Variants in UPF2 observed in about 807,000 individuals in gnomAD.
UPF2 encodes regulator of nonsense transcripts 2.
UPF2 carries 17 observed loss-of-function variants against 141.4 expected under a neutral mutation model. That is an observed-to-expected ratio of 0.12 (90% CI 0.08 to 0.18). The LOEUF (loss-of-function observed/expected upper bound fraction) is 0.18. Among genes scored for constraint, UPF2 ranks in the 10% least tolerant of loss-of-function variants. UPF2 has a pLI of 1.00. For synonymous variants in UPF2, 540 were observed against 498.0 expected (o/e 1.08, Z -1.12); for missense variants, 1,152 against 1,515.9 (o/e 0.76, Z 3.99).
chr10:11,969,911 A>C lies in UPF2; in HGVS notation c.1954-2457T>G, dbSNP rs1405931438. Among the ~76,000 whole-genome samples the C allele has an allele frequency of 4.6e-5, 7 of 152,240 alleles. No individual in the cohort carries two copies. The East Asian group carries it at 1.3e-3, about 29-fold the overall frequency. The stretch of plus-strand genomic sequence containing the variant: ...CAGTGCTTTGGACCAGTAAGGGTTC[A>C]ATAAATATTAGCTATCACTAATTTT... On this transcript the variant is annotated intron_variant, in intron 9 of 21. Transcript: ENST00000357604.
chr10:11,975,152 T>C (rs1833485841), intron 9 of UPF2, among the ~76,000 whole-genome samples: 2 of 152,194 alleles, frequency 1.3e-5, no homozygotes, highest in African/African-American at 2.4e-5. Flanking sequence ...TCGTAGTTAC[T>C]TGGGAGGCTA....
chr10:12,007,899 T>A (rs1043473709), intron 4 of UPF2, among the ~76,000 whole-genome samples: 6 of 150,532 alleles, frequency 4.0e-5, no homozygotes, highest in African/African-American at 1.5e-4. Flanking sequence ...TGCTTTTTTT[T>A]TTTCTCTCTG....
intron 21 of UPF2, among the ~76,000 whole-genome samples, chr10:11,924,121 G>A (rs1832681444): frequency 6.6e-6 from 1 of 152,130 alleles, no homozygotes; most frequent in African/African-American, 2.4e-5. Flanking sequence ...CTACATAATA[G>A]TTTTACTTAC....
At chr10:12,033,187 T>C in intron 2 of UPF2, among the ~76,000 whole-genome samples, 1 of 152,164 alleles carries the variant, frequency 6.6e-6, no homozygotes, top group East Asian at 1.9e-4. Context: ...GAGGATCGCT[T>C]GAGCTCAGCA....
At chr10:11,996,861 G>C (rs1588559861) in intron 8 of UPF2, among the ~76,000 whole-genome samples, 1 of 152,112 alleles carries the variant, frequency 6.6e-6, no homozygotes, top group Admixed American at 6.6e-5. Flanking sequence ...GAGATCATGG[G>C]CCTCCATCAA....
At chr10:11,971,110 A>T (rs1398512793) in intron 9 of UPF2, among the ~76,000 whole-genome samples, 2 of 152,190 alleles carry the variant, frequency 1.3e-5, no homozygotes, top group Non-Finnish European at 1.5e-5. Flanking sequence ...AGATAAAATT[A>T]TACAACATTT....
intron 9 of UPF2, among the ~76,000 whole-genome samples, chr10:11,967,946 C>T (rs1833349515): frequency 6.6e-6 from 1 of 152,144 alleles, no homozygotes; most frequent in Admixed American, 6.5e-5. Flanking sequence ...CTTCAGGAGG[C>T]CGAGGTTGGC....
rs935640268 is a variant in UPF2 at position 11,956,589 on chromosome 10, G to A, written c.2371-66C>T. 1.0e-5 allele frequency: 15 copies of A among 1,477,886 alleles called. No homozygotes were observed. The highest frequency in any genetic ancestry group is 1.3e-5 in the Non-Finnish European group (14 of 1,083,726). The allele number at this position is 1,477,886 out of a possible 1,614,324, so 91.5% of individuals were successfully genotyped here. On this transcript the variant is annotated intron_variant, in intron 12 of 21. Coordinates refer to ENST00000357604, the MANE Select transcript of UPF2 (RefSeq NM_015542.4). This position sits in a 1 kb window ranked among gnomAD's most constrained non-coding sequence, Gnocchi z 4.2. ...CACAGTAGCCTGACCAAATAATACA[G>A]AAATTTTGCTATGATTGCGCAGAGA...
intron 15 of UPF2, among the ~76,000 whole-genome samples, chr10:11,948,986 G>A (rs996945949): frequency 6.6e-6 from 1 of 152,188 alleles, no homozygotes; most frequent in Admixed American, 6.5e-5. Context: ...TTGAATGTAT[G>A]CAAATTAAGA....
intron 11 of UPF2, among the ~76,000 whole-genome samples, chr10:11,963,134 C>A (rs1359812271): frequency 1.1e-4 from 17 of 152,068 alleles, no homozygotes; most frequent in Admixed American, 1.1e-3. Context: ...TTAGGGGAGA[C>A]CTTTGCTACT....
chr10:12,006,117 G>C (rs1346262534), intron 4 of UPF2, among the ~76,000 whole-genome samples: 1 of 142,982 alleles, frequency 7.0e-6, no homozygotes, highest in Non-Finnish European at 1.5e-5. Context: ...TAAGTTCAGG[G>C]GATCCACCTG....
At chr10:11,938,161 A>G (rs1468537439) in intron 18 of UPF2, among the ~76,000 whole-genome samples, 1 of 152,152 alleles carries the variant, frequency 6.6e-6, no homozygotes, top group Non-Finnish European at 1.5e-5. Context: ...TATAGACACA[A>G]GCAACCACAA....
chr10:11,986,915 T>C (rs1389618297), intron 8 of UPF2, among the ~76,000 whole-genome samples: 10 of 152,188 alleles, frequency 6.6e-5, no homozygotes, highest in Non-Finnish European at 1.2e-4. Flanking sequence ...AAAAGCTAGA[T>C]AGGGAAAAGC....
intron 15 of UPF2, among the ~76,000 whole-genome samples, chr10:11,948,952 G>C (rs556287784): frequency 4.6e-5 from 7 of 152,292 alleles, no homozygotes; most frequent in South Asian, 2.1e-4. Flanking sequence ...CACTTTAATG[G>C]AGAAATCATA....
chr10:11,999,644 C>A (rs887510703), intron 7 of UPF2, among the ~76,000 whole-genome samples: 1 of 152,084 alleles, frequency 6.6e-6, no homozygotes, highest in African/African-American at 2.4e-5. Flanking sequence ...ACTTTTAGCA[C>A]CTTTGATCTA....
At chr10:11,930,135 T>G in intron 20 of UPF2, 150 bp from the exon 21 acceptor site, 5 of 1,116,356 alleles carry the variant, frequency 4.5e-6, no homozygotes, top group Non-Finnish European at 5.0e-6. Context: ...CTAAAATGAT[T>G]AAGAAGTTTT....
chr10:11,926,942 A>G (rs1239787914), intron 21 of UPF2, among the ~76,000 whole-genome samples: 1 of 152,190 alleles, frequency 6.6e-6, no homozygotes. Context: ...ACGCACGTCG[A>G]TGACAGCACA....
chr10:11,938,912 T>C (rs1307365807), intron 18 of UPF2, among the ~76,000 whole-genome samples: 2 of 121,810 alleles, frequency 1.6e-5, no homozygotes, highest in Non-Finnish European at 3.3e-5. Context: ...GTCCCCCCCA[T>C]GCAGAGAGAC....
At chr10:11,995,213 C>T (rs1354497887) in intron 8 of UPF2, among the ~76,000 whole-genome samples, 1 of 151,956 alleles carries the variant, frequency 6.6e-6, no homozygotes, top group Non-Finnish European at 1.5e-5. Context: ...AAAGGACATC[C>T]CAGATAAAAG....
Sources: allele counts gnomAD v4.1 joint callset (sites outside exome capture counted in the v4.1 genomes callset), GRCh38; gene constraint gnomAD v4.1.1; non-coding constraint Gnocchi (gnomAD v3.1); transcripts MANE v1.5; gene names NCBI Gene and HGNC (gene_info 2026-07-23, HGNC 2026-07-21).